FRMD4A: variants seen among roughly 807,000 people sequenced by gnomAD.
FRMD4A encodes FERM domain-containing protein 4A.
A neutral mutation model predicts 129.1 loss-of-function variants in FRMD4A; 29 were observed. The ratio of observed to expected loss-of-function variants is 0.22; its 90% CI spans 0.17 to 0.31. FRMD4A has a LOEUF of 0.31. Ranked by LOEUF, FRMD4A falls within the 10% of genes least tolerant of loss-of-function variation. FRMD4A has a pLI of 1.00. For synonymous variants in FRMD4A, 634 were observed against 571.6 expected (o/e 1.11, Z -1.56); for missense variants, 1,272 against 1,375.8 (o/e 0.92, Z 1.19).
intron 14 of FRMD4A, among the ~76,000 whole-genome samples, chr10:13,697,017 A>G (rs1589424621): frequency 2.0e-5 from 3 of 152,340 alleles, no homozygotes; most frequent in South Asian, 2.1e-4. Flanking sequence ...AATCACATGA[A>G]AAACTTATCC....
At chr10:13,927,109 T>C (rs2095141827) in intron 2 of FRMD4A, among the ~76,000 whole-genome samples, 1 of 152,044 alleles carries the variant, frequency 6.6e-6, no homozygotes, top group South Asian at 2.1e-4. Flanking sequence ...CAGAAAAAAT[T>C]AGCTGGGCGT....
At chr10:14,160,970 T>G (rs533049252) in intron 2 of FRMD4A, among the ~76,000 whole-genome samples, 31 of 152,274 alleles carry the variant, frequency 2.0e-4, no homozygotes, top group Middle Eastern at 6.8e-3. Context: ...TTTTTTCTCT[T>G]GAGACGGGAG....
intron 8 of FRMD4A, among the ~76,000 whole-genome samples, chr10:13,750,315 A>G (rs1263799264): frequency 6.6e-6 from 1 of 152,180 alleles, no homozygotes; most frequent in Admixed American, 6.5e-5. Context: ...CTGATAATCA[A>G]TAAGCTGAAG....
intron 2 of FRMD4A, among the ~76,000 whole-genome samples, chr10:14,172,023 T>G (rs1841502120): frequency 6.6e-6 from 1 of 152,246 alleles, no homozygotes; most frequent in Non-Finnish European, 1.5e-5. Flanking sequence ...ACTTAGGATT[T>G]AAAACCAAGC....
intron 3 of FRMD4A, among the ~76,000 whole-genome samples, chr10:13,849,442 G>C (rs1194231753): frequency 1.3e-5 from 2 of 151,922 alleles, no homozygotes; most frequent in South Asian, 2.1e-4. Context: ...TGCACTTTGG[G>C]GGGGATTCCT....
chr10:14,269,756 C>G (rs192357673), intron 2 of FRMD4A, among the ~76,000 whole-genome samples: 1 of 152,208 alleles, frequency 6.6e-6, no homozygotes, highest in East Asian at 1.9e-4. Context: ...GTCAATGTGA[C>G]TGAATTAAGT....
intron 2 of FRMD4A, among the ~76,000 whole-genome samples, chr10:13,954,808 C>G (rs1234145047): frequency 1.3e-5 from 2 of 152,328 alleles, no homozygotes; most frequent in East Asian, 3.9e-4. Context: ...CGTACCAAAC[C>G]CTTTCAGAGT....
At chr10:13,987,238 A>T (rs2095584908) in intron 2 of FRMD4A, among the ~76,000 whole-genome samples, 1 of 152,230 alleles carries the variant, frequency 6.6e-6, no homozygotes, top group African/African-American at 2.4e-5. Context: ...TGGGATAGAA[A>T]CCCCAGCAGA....
chr10:14,220,473 G>A (rs1277242505), intron 2 of FRMD4A, among the ~76,000 whole-genome samples: 3 of 152,232 alleles, frequency 2.0e-5, no homozygotes, highest in Admixed American at 6.5e-5. Context: ...CCCAAAGGGG[G>A]TGCCAGGATG....
chr10:14,156,443 C>T (rs1332780751), intron 2 of FRMD4A, among the ~76,000 whole-genome samples: 1 of 152,038 alleles, frequency 6.6e-6, no homozygotes, highest in African/African-American at 2.4e-5. Context: ...CTTGAGAGCA[C>T]CAAAATATAC....
intron 2 of FRMD4A, among the ~76,000 whole-genome samples, chr10:13,942,934 C>T (rs530476292): frequency 6.8e-6 from 1 of 146,340 alleles, no homozygotes; most frequent in East Asian, 2.2e-4. Flanking sequence ...TCCATCTCAA[C>T]AAAAAGGCAA....
chr10:14,298,040 T>C (rs1846065358), intron 2 of FRMD4A, among the ~76,000 whole-genome samples: 1 of 152,232 alleles, frequency 6.6e-6, no homozygotes, highest in Admixed American at 6.5e-5. Flanking sequence ...CAATGCCTGT[T>C]TTTGTAAATA....
intron 2 of FRMD4A, among the ~76,000 whole-genome samples, chr10:14,231,594 T>C (rs1277389436): frequency 6.6e-6 from 1 of 152,118 alleles, no homozygotes; most frequent in Non-Finnish European, 1.5e-5. Context: ...GATCCGCCCA[T>C]CTTGGCCTCC....
chr10:14,221,362 G>A (rs886438494), intron 2 of FRMD4A, among the ~76,000 whole-genome samples: 1 of 152,180 alleles, frequency 6.6e-6, no homozygotes, highest in Non-Finnish European at 1.5e-5. Context: ...TGGTGGAGAT[G>A]TGGCCTAATT....
chr10:14,234,227 A>G (rs896598242), intron 2 of FRMD4A, among the ~76,000 whole-genome samples: 5 of 128,200 alleles, frequency 3.9e-5, no homozygotes, highest in Admixed American at 1.5e-4. Flanking sequence ...AGAAGAAGAA[A>G]AAAAAAAACC....
At position 13,915,376 on chromosome 10, in the gene FRMD4A, G is replaced by A. The variant is rs549338518; in HGVS notation, c.46-56464C>T. Among the ~76,000 whole-genome samples, 224 of 151,976 alleles carry A rather than the reference G, an allele frequency of 1.5e-3. 1 individual carries two copies. The highest frequency in any genetic ancestry group is 4.8e-3 in the African/African-American group (201 of 41,462). On this transcript the variant is annotated intron_variant, in intron 2 of 24. Coordinates refer to ENST00000357447, the MANE Select transcript of FRMD4A (RefSeq NM_018027.5). ...AACTAAGTGGAAAGGGTCAGGAAGCGGGGCTTAAAAGTGAGGCTGGGCTCG... is the reference window on the plus strand; with the variant it reads ...AACTAAGTGGAAAGGGTCAGGAAGCAGGGCTTAAAAGTGAGGCTGGGCTCG...
intron 2 of FRMD4A, among the ~76,000 whole-genome samples, chr10:14,155,554 A>G (rs1438786057): frequency 2.0e-5 from 3 of 152,160 alleles, no homozygotes; most frequent in Non-Finnish European, 2.9e-5. Flanking sequence ...TCAGTCACAG[A>G]GTCTAGCAGG....
intron 2 of FRMD4A, among the ~76,000 whole-genome samples, chr10:13,919,790 T>C (rs1322168809): frequency 3.3e-5 from 5 of 151,956 alleles, no homozygotes; most frequent in Non-Finnish European, 5.9e-5. Context: ...ATACAAAAAT[T>C]AGCCAGGCGT....
intron 2 of FRMD4A, among the ~76,000 whole-genome samples, chr10:14,084,122 A>G (rs1197990587): frequency 6.6e-6 from 1 of 152,236 alleles, no homozygotes; most frequent in African/African-American, 2.4e-5. Flanking sequence ...CATGGGGGAA[A>G]GTAAAAAGGC....
Sources: gnomAD v4.1 joint callset for allele counts (sites outside exome capture counted in the v4.1 genomes callset) on GRCh38, gnomAD v4.1.1 for gene constraint, MANE v1.5 for transcripts, NCBI Gene and HGNC (gene_info 2026-07-23, HGNC 2026-07-21) for gene names.